The following VRK2 variants were observed in gnomAD, a reference collection of about 807,000 sequenced individuals.
VRK2 encodes the protein serine/threonine-protein kinase VRK2.
A neutral mutation model predicts 57.6 loss-of-function variants in VRK2; 60 were observed. The observed-to-expected ratio is 1.04, with a 90% CI of 0.85 to 1.29. The LOEUF (loss-of-function observed/expected upper bound fraction) is 1.29. Among genes scored for constraint, VRK2 ranks in the 50% most tolerant of loss-of-function variants. The pLI, the probability that VRK2 is intolerant of heterozygous loss-of-function variation, is 0.00. For missense variants in VRK2, 705 were observed against 588.1 expected (o/e 1.20, Z -2.06); for synonymous variants, 231 against 199.2 (o/e 1.16, Z -1.35).
rs556564982 is a variant in VRK2 at position 58,158,781 on chromosome 2, C to T, written c.1183-568C>T. Reference sequence around the variant, plus strand: ...CAGTTAATTTGTTTTATATTAATACCACTTAATTTGCTTTATATTAATATC... The same window carrying T: ...CAGTTAATTTGTTTTATATTAATACTACTTAATTTGCTTTATATTAATATC... On this transcript the variant is annotated intron_variant, in intron 12 of 12. Coordinates refer to ENST00000340157, the MANE Select transcript of VRK2 (RefSeq NM_006296.7). Among the ~76,000 whole-genome samples the T allele has an allele frequency of 5.3e-5, 8 of 152,090 alleles. No homozygotes were observed. The South Asian group carries it at 1.7e-3, about 32-fold the overall frequency.
chr2:58,012,886 G>A (rs1262349900), intron 1 of VRK2, among the ~76,000 whole-genome samples: 3 of 152,108 alleles, frequency 2.0e-5, no homozygotes, highest in East Asian at 1.9e-4. Flanking sequence ...TATGCAGCCA[G>A]GTTTTTCAAT....
intron 2 of VRK2, among the ~76,000 whole-genome samples, chr2:58,082,615 C>T (rs1437186133): frequency 6.6e-6 from 1 of 150,452 alleles, no homozygotes; most frequent in Non-Finnish European, 1.5e-5. Flanking sequence ...CCTGTGTATA[C>T]TTTCTTAAGT....
At chr2:57,916,614 TA>T (rs1670162560) in intron 1 of VRK2, among the ~76,000 whole-genome samples, 2 of 152,094 alleles carry the variant, frequency 1.3e-5, no homozygotes, top group South Asian at 4.1e-4. Flanking sequence ...TTTTTAATTT[TA>T]AAAAACCTCT....
chr2:57,953,207 TAA>T, intron 1 of VRK2, among the ~76,000 whole-genome samples: 1 of 152,344 alleles, frequency 6.6e-6, no homozygotes, highest in Non-Finnish European at 1.5e-5. Flanking sequence ...GACCTGCTTA[TAA>T]AGGAGAAACA....
At chr2:57,944,462 C>T (rs1671194462) in intron 1 of VRK2, among the ~76,000 whole-genome samples, 5 of 152,176 alleles carry the variant, frequency 3.3e-5, no homozygotes, top group Admixed American at 2.6e-4. Context: ...CATGGCCGGG[C>T]GCGGTGGCTC....
At chr2:58,129,545 A>G in intron 8 of VRK2, among the ~76,000 whole-genome samples, 1 of 152,342 alleles carries the variant, frequency 6.6e-6, no homozygotes, top group East Asian at 1.9e-4. Flanking sequence ...TTAGACATTA[A>G]TAGTCTCAGA....
chr2:58,002,230 C>CA (rs1455692265), intron 1 of VRK2, among the ~76,000 whole-genome samples: 1 of 152,118 alleles, frequency 6.6e-6, no homozygotes. Context: ...CCTGTAATCC[C>CA]AGCACTTTGG....
chr2:58,126,495 A>G (rs1678371157), intron 8 of VRK2, among the ~76,000 whole-genome samples: 1 of 152,134 alleles, frequency 6.6e-6, no homozygotes, highest in South Asian at 2.1e-4. Context: ...AGGGAAAAAA[A>G]TTAGCTATTA....
intron 1 of VRK2, among the ~76,000 whole-genome samples, chr2:57,984,034 G>A (rs1260182558): frequency 1.3e-5 from 2 of 152,108 alleles, no homozygotes; most frequent in Admixed American, 6.6e-5. Context: ...TCTAAGCCAG[G>A]AGCTCACAAA....
intron 1 of VRK2, among the ~76,000 whole-genome samples, chr2:57,945,378 G>A (rs1028131033): frequency 2.6e-5 from 4 of 151,978 alleles, no homozygotes; most frequent in Non-Finnish European, 5.9e-5. Flanking sequence ...TGCCTAGATC[G>A]AGTCTATCAA....
chr2:57,942,869 T>C (rs1568253), intron 1 of VRK2, among the ~76,000 whole-genome samples: 102,944 of 152,050 alleles, frequency 0.68, 35,789 homozygotes, highest in African/African-American at 0.86. Context: ...CCTGCATATA[T>C]CTCTTGTAGA....
intron 1 of VRK2, among the ~76,000 whole-genome samples, chr2:57,993,624 A>G (rs1672838053): frequency 6.6e-6 from 1 of 152,228 alleles, no homozygotes; most frequent in African/African-American, 2.4e-5. Flanking sequence ...TTGATCTGTG[A>G]TTTGGAAAAT....
intron 1 of VRK2, among the ~76,000 whole-genome samples, chr2:57,929,000 G>A (rs1038353648): frequency 3.3e-5 from 5 of 152,292 alleles, no homozygotes; most frequent in East Asian, 1.9e-4. Flanking sequence ...GTGCTGGGTC[G>A]GACCTAAAGC....
intron 1 of VRK2, among the ~76,000 whole-genome samples, chr2:58,001,841 G>C (rs555467903): frequency 3.9e-4 from 60 of 151,938 alleles, no homozygotes; most frequent in Non-Finnish European, 1.5e-5. Flanking sequence ...AAAAATAGTA[G>C]TAGTAATAAT....
At chr2:58,116,066 G>C (rs370694770) in intron 7 of VRK2, among the ~76,000 whole-genome samples, 10 of 152,172 alleles carry the variant, frequency 6.6e-5, no homozygotes, top group African/African-American at 2.2e-4. Context: ...GTAAAATGGG[G>C]GAATGGTAAG....
At chr2:58,024,289 C>G (rs1220317190) in intron 1 of VRK2, among the ~76,000 whole-genome samples, 1 of 152,060 alleles carries the variant, frequency 6.6e-6, no homozygotes, top group Non-Finnish European at 1.5e-5. Context: ...GGTTTCACAA[C>G]CACAATTTAC....
At chr2:57,914,217 C>T (rs1471763100) in intron 1 of VRK2, among the ~76,000 whole-genome samples, 1 of 151,108 alleles carries the variant, frequency 6.6e-6, no homozygotes, top group Non-Finnish European at 1.5e-5. Context: ...AGCCAAGATC[C>T]CAATGTTTAC....
intron 1 of VRK2, among the ~76,000 whole-genome samples, chr2:57,985,761 A>T (rs1672575433): frequency 6.6e-6 from 1 of 152,162 alleles, no homozygotes; most frequent in African/African-American, 2.4e-5. Context: ...AAAATTCAAA[A>T]TAAAACTGGC....
At chr2:57,979,489 G>A (rs1672352819) in intron 1 of VRK2, among the ~76,000 whole-genome samples, 1 of 150,880 alleles carries the variant, frequency 6.6e-6, no homozygotes, top group South Asian at 2.1e-4. Context: ...AGGGATATTG[G>A]CCTGAAATTT....
Sources: allele counts gnomAD v4.1 joint callset (sites outside exome capture counted in the v4.1 genomes callset), GRCh38; gene constraint gnomAD v4.1.1; transcripts MANE v1.5; gene names NCBI Gene and HGNC (gene_info 2026-07-23, HGNC 2026-07-21).